The following CFAP43 variants were observed in gnomAD, a reference collection of about 807,000 sequenced individuals.
CFAP43 encodes cilia and flagella associated protein 43, also known as cilia- and flagella-associated protein 43.
Under a neutral mutation model 218.9 loss-of-function variants are expected in CFAP43, and 155 were observed. The ratio of observed to expected loss-of-function variants is 0.71; its 90% CI spans 0.62 to 0.81. The LOEUF is 0.81. CFAP43 is among the 30% of genes least tolerant of loss of function. The probability of loss-of-function intolerance (pLI) is 0.00; values close to 1 mark genes in which losing one functional copy is unlikely to be tolerated. For missense variants in CFAP43, 1,778 were observed against 1,954.3 expected, an observed-to-expected ratio of 0.91 and a Z score of 1.70; for synonymous variants, 645 against 681.3, an observed-to-expected ratio of 0.95 and a Z score of 0.83.
At chr10:104,225,208 C>G (rs1050611945) in intron 3 of CFAP43, among the ~76,000 whole-genome samples, 2 of 152,010 alleles carry the variant, frequency 1.3e-5, no homozygotes, top group African/African-American at 4.8e-5. Context: ...AATATATTCT[C>G]TATCTGAGAA....
Position 104,184,407 on chromosome 10 carries a change from T to C in CFAP43, c.2141+609A>G, listed in dbSNP as rs537852311. Among the ~76,000 whole-genome samples the C allele has an allele frequency of 7.2e-5, 11 of 152,228 alleles. No homozygotes were observed. In the South Asian group the frequency reaches 1.0e-3, roughly 14 times the overall value. On this transcript the variant is annotated intron_variant, in intron 16 of 37. Transcript: ENST00000357060. ...TATCTGAGGGTCAGAATTGTCCACA[T>C]TTCTTATGTTATGAGAGATAGGACT...
At chr10:104,219,411 A>G (rs1564812502) in intron 3 of CFAP43, among the ~76,000 whole-genome samples, 1 of 152,180 alleles carries the variant, frequency 6.6e-6, no homozygotes, top group East Asian at 1.9e-4. Context: ...TTTCCTTCCA[A>G]TATACCTTCC....
At chr10:104,183,194 G>T (rs572272388) in intron 16 of CFAP43, among the ~76,000 whole-genome samples, 1 of 152,260 alleles carries the variant, frequency 6.6e-6, no homozygotes, top group South Asian at 2.1e-4. Context: ...CACTGGGAGG[G>T]TTTAAAAACA....
At chr10:104,153,602 A>G (rs1450463989) in intron 27 of CFAP43, among the ~76,000 whole-genome samples, 3 of 152,228 alleles carry the variant, frequency 2.0e-5, no homozygotes, top group Admixed American at 2.0e-4. Context: ...AATGAGGTAT[A>G]TTGCTATAAA....
intron 23 of CFAP43, among the ~76,000 whole-genome samples, chr10:104,164,754 T>C (rs184293365): frequency 2.5e-4 from 38 of 152,294 alleles, no homozygotes; most frequent in African/African-American, 8.2e-4. Flanking sequence ...TACTTAATAT[T>C]AAGTCATTTC....
At chr10:104,160,936 C>A in intron 27 of CFAP43, 101 bp downstream of exon 27, 1 of 1,201,382 alleles carries the variant, frequency 8.3e-7, no homozygotes, top group Non-Finnish European at 1.1e-6. Context: ...AAACACTGTC[C>A]TTAAGCTATT....
intron 16 of CFAP43, 153 bp downstream of exon 16, chr10:104,184,863 G>T: frequency 1.2e-6 from 1 of 824,640 alleles, no homozygotes; most frequent in Non-Finnish European, 1.5e-6. Context: ...AGAATGCAGT[G>T]TACGCTTCTC....
At chr10:104,151,858 A>T (rs1564726869) in intron 28 of CFAP43, among the ~76,000 whole-genome samples, 1 of 152,158 alleles carries the variant, frequency 6.6e-6, no homozygotes, top group Non-Finnish European at 1.5e-5. Context: ...CAGGATTTTT[A>T]TAGTTTGGGG....
rs2087225345 is a variant in CFAP43, at chr10:104,132,151, C to T, written c.4642G>A (p.Gly1548Arg). 9 of 1,603,444 alleles carry T rather than the reference C, an allele frequency of 5.6e-6. No homozygotes were observed. Among genetic ancestry groups the T allele is most frequent in the Non-Finnish European group, 7.7e-6 (9 of 1,175,572 alleles). The change falls in exon 36 of 38, where the codon GGA becomes AGA. Residue 1548 changes from glycine (G) to arginine (R), a missense_variant. This residue lies in a region of CFAP43 where 211 missense variants were observed against 230.6 expected (regional missense o/e 0.91). Transcript: ENST00000357060. ...ACAGCAATGGTTTGTTCCATTATTC[C>T]AATCTGAATACTAATCAGAGCCTCA... ...NYEALISIQIGIMEQTIAVLD... is the reference protein window; with the variant it reads ...NYEALISIQIRIMEQTIAVLD...
At chr10:104,199,952 G>T (rs759641566) in intron 8 of CFAP43, among the ~76,000 whole-genome samples, 2 of 141,548 alleles carry the variant, frequency 1.4e-5, no homozygotes, top group Non-Finnish European at 3.1e-5. Context: ...TTATTGGGGG[G>T]TCTGAAGAAA....
Position 104,130,184 on chromosome 10 carries a change from A to G in CFAP43, c.4953T>C (p.Val1651=). The G allele has an allele frequency of 6.2e-7, 1 of 1,607,098 alleles. No individual in the cohort carries two copies. The highest frequency in any genetic ancestry group is 1.1e-5 in the South Asian group (1 of 88,782). ...GAAATGTTTTCATTCTTAATCTTTC[A>G]ACTTCAGTCTGTAGTATTGAAATCT... is the stretch of plus-strand genomic sequence containing the variant. ...AEQISILQTE[V]ERLRMKTFPA... Residue 1651 remains valine, a synonymous_variant, in exon 38 of 38, where the codon GTT becomes GTC. Coordinates refer to ENST00000357060, the MANE Select transcript of CFAP43 (RefSeq NM_025145.7).
At chr10:104,189,949 T>C (rs1163730553) in intron 12 of CFAP43, among the ~76,000 whole-genome samples, 1 of 151,996 alleles carries the variant, frequency 6.6e-6, no homozygotes, top group African/African-American at 2.4e-5. Context: ...GGGCGGATCA[T>C]GAGGTCAGGA....
In CFAP43 at chr10:104,146,335, T is replaced by C. The variant is rs777616647; in HGVS notation, c.3783A>G (p.Glu1261=). 3.1e-6 allele frequency: 5 copies of C among 1,613,556 alleles called. No individual in the cohort carries two copies. In the South Asian group the frequency reaches 5.5e-5, roughly 18 times the overall value. Residue 1261 remains glutamate (E), a synonymous_variant, in exon 30 of 38, where the codon GAA becomes GAG. Coordinates refer to ENST00000357060, the MANE Select transcript of CFAP43 (RefSeq NM_025145.7). ...RKQHEKSQTS[E]AVRKSREDLD... ...GGTCTTCTCTAGATTTCCGAACAGC[T>C]TCTGAAGTCTGGCTCTATAACAGCA...
intron 31 of CFAP43, among the ~76,000 whole-genome samples, chr10:104,145,107 G>A (rs939042436): frequency 3.3e-5 from 5 of 152,102 alleles, no homozygotes; most frequent in South Asian, 2.1e-4. Context: ...AAGTAGTTCC[G>A]ATTTATACAT....
At chr10:104,142,623 AT>A (rs1218153486) in intron 32 of CFAP43, among the ~76,000 whole-genome samples, 2 of 152,186 alleles carry the variant, frequency 1.3e-5, no homozygotes, top group African/African-American at 4.8e-5. Context: ...GCAACTATAA[AT>A]TCTTTTATAT....
intron 2 of CFAP43, among the ~76,000 whole-genome samples, chr10:104,225,841 C>T (rs1325758723): frequency 6.6e-6 from 1 of 152,224 alleles, no homozygotes; most frequent in African/African-American, 2.4e-5. Context: ...TATGTCCCAG[C>T]ATGGTCTGAA....
At chr10:104,192,578 T>C (rs1344905671) in intron 11 of CFAP43, 5 of 358,948 alleles carry the variant, frequency 1.4e-5, no homozygotes, top group Admixed American at 5.0e-5. Context: ...GAATGAAACA[T>C]GTCTGTCGGT....
Position 104,144,644 on chromosome 10 carries a change from G to A in CFAP43, c.3944+832C>T, listed in dbSNP as rs1040973904. 4.6e-5 allele frequency among the ~76,000 whole-genome samples: 7 copies of A among 152,114 alleles called. No homozygotes were observed. In the East Asian group the frequency reaches 7.7e-4, roughly 17 times the overall value. ...AGCCTGGGTGACAGACAGAGACTCC[G>A]TCTCAAAAAAAAAGGAAAACCAAAA... is the stretch of plus-strand genomic sequence containing the variant. On this transcript the variant is annotated intron_variant, in intron 31 of 37. Transcript: ENST00000357060.
chr10:104,201,752 A>G (rs1469479352), intron 8 of CFAP43, among the ~76,000 whole-genome samples: 1 of 151,130 alleles, frequency 6.6e-6, no homozygotes, highest in African/African-American at 2.4e-5. Context: ...TTCTCCACCT[A>G]TTACTACTGC....
Sources: gnomAD v4.1 joint callset for allele counts (sites outside exome capture counted in the v4.1 genomes callset) on GRCh38, gnomAD v4.1.1 for gene constraint, gnomAD v4.1.1 regional missense constraint, MANE v1.5 for transcripts, NCBI Gene and HGNC (gene_info 2026-07-23, HGNC 2026-07-21) for gene names.